Variants in CSMD1 observed in about 807,000 individuals in gnomAD.
CSMD1 encodes the protein CUB and sushi domain-containing protein 1.
A neutral mutation model predicts 417.5 loss-of-function variants in CSMD1; 213 were observed. That is an observed-to-expected ratio of 0.51 (90% confidence interval 0.46 to 0.57). The LOEUF (loss-of-function observed/expected upper bound fraction) is 0.57. Ranked by LOEUF, CSMD1 falls within the 20% of genes least tolerant of loss-of-function variation. The pLI is 0.00. For missense variants in CSMD1, 6,923 were observed against 4,529.7 expected (o/e 1.53, Z -15.17); for synonymous variants, 2,862 against 1,736.8 (o/e 1.65, Z -16.11).
At chr8:4,797,152 C>A (rs936924890) in intron 1 of CSMD1, among the ~76,000 whole-genome samples, 12 of 152,198 alleles carry the variant, frequency 7.9e-5, no homozygotes, top group African/African-American at 2.7e-4. Flanking sequence ...GAGACAAACC[C>A]AGGCAGCAGC....
intron 5 of CSMD1, among the ~76,000 whole-genome samples, chr8:3,866,365 C>T (rs1278775351): frequency 2.0e-5 from 3 of 152,156 alleles, no homozygotes; most frequent in Non-Finnish European, 4.4e-5. Context: ...GAATACAGAA[C>T]ATTCATGTAT....
At chr8:4,491,844 T>C (rs1305521818) in intron 2 of CSMD1, among the ~76,000 whole-genome samples, 8 of 152,188 alleles carry the variant, frequency 5.3e-5, no homozygotes, top group Admixed American at 5.2e-4. Context: ...AGTCTTACTG[T>C]ACGATCCAGC....
At chr8:3,730,204 T>G (rs1305963961) in intron 6 of CSMD1, among the ~76,000 whole-genome samples, 1 of 152,106 alleles carries the variant, frequency 6.6e-6, no homozygotes, top group Admixed American at 6.5e-5. Context: ...AGGCAGAGAA[T>G]GAGGCTTCCA....
rs1204289226 is a variant in CSMD1 at position 3,134,371 on chromosome 8, C to T, written c.6241+8094G>A. Among the ~76,000 whole-genome samples, 12 of 152,134 alleles carry T rather than the reference C, an allele frequency of 7.9e-5. No homozygotes were observed. In the East Asian group the frequency reaches 1.7e-3, roughly 22 times the overall value. ...GACATCTGGATTCCACGGTCACAGGCAGCACCTGCATCCAACCACGAAGGC... is the reference window on the plus strand; with the variant it reads ...GACATCTGGATTCCACGGTCACAGGTAGCACCTGCATCCAACCACGAAGGC... On this transcript the variant is annotated intron_variant, in intron 41 of 69. Transcript: ENST00000635120.
At chr8:3,247,938 T>C (rs1260739173) in intron 26 of CSMD1, among the ~76,000 whole-genome samples, 1 of 152,170 alleles carries the variant, frequency 6.6e-6, no homozygotes, top group African/African-American at 2.4e-5. Context: ...ACTTAGGAAT[T>C]CTCAACCCCA....
intron 1 of CSMD1, among the ~76,000 whole-genome samples, chr8:4,906,421 C>T (rs1353175842): frequency 6.6e-6 from 1 of 152,302 alleles, no homozygotes; most frequent in East Asian, 1.9e-4. Flanking sequence ...GGTCTGGCCC[C>T]AGCAACTTAA....
intron 12 of CSMD1, among the ~76,000 whole-genome samples, chr8:3,418,195 C>T (rs899624975): frequency 1.3e-5 from 2 of 152,092 alleles, no homozygotes; most frequent in Admixed American, 6.5e-5. Flanking sequence ...GGAACTACAC[C>T]TGCTGTGTTT....
chr8:3,502,146 C>G (rs147915888), intron 10 of CSMD1, among the ~76,000 whole-genome samples: 1 of 151,926 alleles, frequency 6.6e-6, no homozygotes, highest in Non-Finnish European at 1.5e-5. Flanking sequence ...TGGCAGATCA[C>G]GAGGTCAGGA....
rs556894240 is a variant in CSMD1, at chr8:4,206,939, A to C, written c.416-174840T>G. On this transcript the variant is annotated intron_variant, in intron 3 of 69. Coordinates refer to ENST00000635120, the MANE Select transcript of CSMD1 (RefSeq NM_033225.6). ...GTTGGGCAAATTGCCCTCCTCTTTG[A>C]ATGGATAAAATGCCTATTTCATATA... 3.3e-5 allele frequency among the ~76,000 whole-genome samples: 5 copies of C among 152,342 alleles called. No individual in the cohort carries two copies. In the South Asian group the frequency reaches 6.2e-4, roughly 19 times the overall value.
intron 3 of CSMD1, among the ~76,000 whole-genome samples, chr8:4,275,959 A>T: frequency 6.6e-6 from 1 of 152,366 alleles, no homozygotes; most frequent in East Asian, 1.9e-4. Context: ...ATAGTTAAAA[A>T]GTCAGGAAAC....
intron 18 of CSMD1, among the ~76,000 whole-genome samples, chr8:3,386,230 G>C (rs962137923): frequency 2.0e-5 from 3 of 152,210 alleles, no homozygotes; most frequent in African/African-American, 7.2e-5. Context: ...AAACTTAGCA[G>C]AAAGCACCTT....
intron 8 of CSMD1, among the ~76,000 whole-genome samples, chr8:3,613,813 C>T (rs1438615720): frequency 6.6e-6 from 1 of 151,744 alleles, no homozygotes; most frequent in East Asian, 1.9e-4. Context: ...CAAGCAATGT[C>T]ATAACTATAA....
At chr8:3,696,245 C>G (rs991109112) in intron 7 of CSMD1, among the ~76,000 whole-genome samples, 1 of 152,296 alleles carries the variant, frequency 6.6e-6, no homozygotes, top group African/African-American at 2.4e-5. Context: ...TTTAGACAGG[C>G]ACATTGCTCT....
intron 3 of CSMD1, among the ~76,000 whole-genome samples, chr8:4,099,085 T>C (rs1429345870): frequency 6.6e-6 from 1 of 152,082 alleles, no homozygotes; most frequent in Non-Finnish European, 1.5e-5. Context: ...TAGACATTAT[T>C]TTCATCTGTT....
In CSMD1 at chr8:4,318,777, G is replaced by C. The variant is rs149837375; in HGVS notation, c.415+101176C>G. 8.0e-5 allele frequency among the ~76,000 whole-genome samples: 12 copies of C among 150,230 alleles called. No individual in the cohort carries two copies. In the East Asian group the frequency reaches 1.9e-3, roughly 24 times the overall value. On this transcript the variant is annotated intron_variant, in intron 3 of 69. Transcript: ENST00000635120. ...GATCAACCAATAGATACCATATATT[G>C]GCATTGTATTTACAAGCAAGTTAAT...
intron 3 of CSMD1, among the ~76,000 whole-genome samples, chr8:4,284,439 C>G (rs1796951769): frequency 7.1e-6 from 1 of 141,574 alleles, no homozygotes; most frequent in Non-Finnish European, 1.5e-5. Context: ...GAGGGTACCT[C>G]CACTCCGTGT....
In CSMD1 at chr8:4,126,140, C is replaced by G. The variant is rs1195188364; in HGVS notation, c.416-94041G>C. Among the ~76,000 whole-genome samples, 4 of 152,190 alleles carry G rather than the reference C, an allele frequency of 2.6e-5. No individual in the cohort carries two copies. The East Asian group carries it at 7.7e-4, about 29-fold the overall frequency. On this transcript the variant is annotated intron_variant, in intron 3 of 69. Coordinates refer to ENST00000635120, the MANE Select transcript of CSMD1 (RefSeq NM_033225.6). Reference sequence around the variant, plus strand: ...CCTGTGATTTCATCTTCAACCTGACCAGTCAGCACTACCCACTTCCCAAGC... The same window carrying G: ...CCTGTGATTTCATCTTCAACCTGACGAGTCAGCACTACCCACTTCCCAAGC...
Position 3,883,305 on chromosome 8 carries a change from C to T in CSMD1, c.818+114598G>A, listed in dbSNP as rs79146556. 6.6e-4 allele frequency among the ~76,000 whole-genome samples: 100 copies of T among 152,016 alleles called. No individual in the cohort carries two copies. The Middle Eastern group carries it at 0.01, about 16-fold the overall frequency. ...TCACATGTTTACTGTGAGAACTGAA[C>T]GACATAATATAATACACACAATGTC... On this transcript the variant is annotated intron_variant, in intron 5 of 69. Coordinates refer to ENST00000635120, the MANE Select transcript of CSMD1 (RefSeq NM_033225.6).
intron 23 of CSMD1, among the ~76,000 whole-genome samples, chr8:3,342,782 G>A (rs1376020140): frequency 6.6e-6 from 1 of 152,034 alleles, no homozygotes; most frequent in African/African-American, 2.4e-5. Flanking sequence ...ATTCCTCTTA[G>A]TTCTCTCGTC....
Sources: allele counts gnomAD v4.1 joint callset (sites outside exome capture counted in the v4.1 genomes callset), GRCh38; gene constraint gnomAD v4.1.1; transcripts MANE v1.5; gene names NCBI Gene and HGNC (gene_info 2026-07-23, HGNC 2026-07-21).